Variants in ZMIZ1 observed in about 807,000 individuals in gnomAD.
ZMIZ1 encodes zinc finger MIZ domain-containing protein 1.
In ZMIZ1, 17 loss-of-function variants were observed where a neutral mutation model predicts 113.9. The observed-to-expected ratio is 0.15, with a 90% CI of 0.10 to 0.22. ZMIZ1 has a LOEUF of 0.22. Ranked by LOEUF, ZMIZ1 falls within the 10% of genes least tolerant of loss-of-function variation. ZMIZ1 has a pLI of 1.00. For synonymous variants in ZMIZ1, 607 were observed against 603.1 expected (o/e 1.01, Z -0.09); for missense variants, 1,059 against 1,477.8 (o/e 0.72, Z 4.65).
At chr10:79,252,280 C>A (rs1212412080) in intron 7 of ZMIZ1, among the ~76,000 whole-genome samples, 1 of 152,118 alleles carries the variant, frequency 6.6e-6, no homozygotes, top group Admixed American at 6.5e-5. Flanking sequence ...CCTCTCAGAG[C>A]TTTACATGGC....
At chr10:79,294,906 C>T (rs568186200) in intron 12 of ZMIZ1, 2 of 118,748 alleles carry the variant, frequency 1.7e-5, no homozygotes, top group South Asian at 2.7e-4. Flanking sequence ...GGCTTGGCAA[C>T]AAGTGGAGGT....
intron 4 of ZMIZ1, among the ~76,000 whole-genome samples, chr10:79,197,356 G>A (rs911350373): frequency 6.6e-6 from 1 of 152,198 alleles, no homozygotes; most frequent in East Asian, 1.9e-4. Flanking sequence ...GATGGGGCCT[G>A]GCACCAGGAA....
At chr10:79,078,911 C>T (rs77507351) in intron 1 of ZMIZ1, among the ~76,000 whole-genome samples, 3 of 152,072 alleles carry the variant, frequency 2.0e-5, no homozygotes, top group South Asian at 2.1e-4. Flanking sequence ...GGGAAACGCC[C>T]GCGTAAACAG....
intron 7 of ZMIZ1, among the ~76,000 whole-genome samples, chr10:79,274,501 ACT>A (rs370747710): frequency 7.1e-4 from 108 of 151,778 alleles, no homozygotes; most frequent in African/African-American, 2.5e-3. Flanking sequence ...CAGTGCCCAG[ACT>A]CTCTTTTTGG....
intron 22 of ZMIZ1, among the ~76,000 whole-genome samples, chr10:79,306,753 G>C (rs1019630887): frequency 6.6e-6 from 1 of 152,166 alleles, no homozygotes; most frequent in African/African-American, 2.4e-5. Flanking sequence ...CCCAGACCAA[G>C]TTTTACTCCT....
chr10:79,224,471 A>T (rs1849122280), intron 7 of ZMIZ1, among the ~76,000 whole-genome samples: 1 of 151,580 alleles, frequency 6.6e-6, no homozygotes, highest in Non-Finnish European at 1.5e-5. Context: ...CATCTGGGGG[A>T]TTAGCTCATC....
chr10:79,113,787 C>G (rs1843860392), intron 1 of ZMIZ1, among the ~76,000 whole-genome samples: 1 of 152,018 alleles, frequency 6.6e-6, no homozygotes, highest in African/African-American at 2.4e-5. Flanking sequence ...CCCCTTTCCT[C>G]TGAGCCCCCT....
intron 1 of ZMIZ1, among the ~76,000 whole-genome samples, chr10:79,099,120 A>G (rs1843268753): frequency 6.6e-6 from 1 of 151,862 alleles, no homozygotes; most frequent in Non-Finnish European, 1.5e-5. Flanking sequence ...ACACCCACCC[A>G]CCCTAGAGCA....
chr10:79,302,868 T>G (rs557678264), intron 18 of ZMIZ1, among the ~76,000 whole-genome samples: 1 of 146,924 alleles, frequency 6.8e-6, no homozygotes, highest in South Asian at 2.2e-4. Context: ...TAAGTTTTTT[T>G]TTTTTTTTTT....
At chr10:79,128,920 T>C (rs1051209024) in intron 2 of ZMIZ1, among the ~76,000 whole-genome samples, 1 of 152,188 alleles carries the variant, frequency 6.6e-6, no homozygotes, top group Non-Finnish European at 1.5e-5. Flanking sequence ...CATCTGAAAA[T>C]GGGGATGATA....
chr10:79,150,838 G>A (rs1362382342), intron 3 of ZMIZ1, among the ~76,000 whole-genome samples: 1 of 152,038 alleles, frequency 6.6e-6, no homozygotes, highest in Non-Finnish European at 1.5e-5. Flanking sequence ...TCTGCTCAGG[G>A]AGCTGGGCCA....
chr10:79,307,841 C>CA (rs1235817221), intron 23 of ZMIZ1, among the ~76,000 whole-genome samples: 1 of 152,136 alleles, frequency 6.6e-6, no homozygotes, highest in African/African-American at 2.4e-5. Flanking sequence ...CATACACACA[C>CA]ACGTGCATGC....
chr10:79,183,513 A>G (rs866129360), intron 4 of ZMIZ1, among the ~76,000 whole-genome samples: 2 of 152,294 alleles, frequency 1.3e-5, no homozygotes, highest in Middle Eastern at 3.4e-3. Context: ...AGGGTCCCAG[A>G]ACCATCCAGA....
intron 2 of ZMIZ1, among the ~76,000 whole-genome samples, chr10:79,135,731 T>TC (rs1309800465): frequency 2.0e-5 from 3 of 152,218 alleles, no homozygotes; most frequent in African/African-American, 7.2e-5. Context: ...GGGCCAGGGT[T>TC]CCAGGCCTGG....
intron 4 of ZMIZ1, among the ~76,000 whole-genome samples, chr10:79,198,350 A>C (rs1302626609): frequency 1.3e-5 from 2 of 152,250 alleles, no homozygotes; most frequent in Non-Finnish European, 2.9e-5. Context: ...ATGAGTAGAC[A>C]GGTGAACAGG....
chr10:79,083,173 A>G (rs1295082374), intron 1 of ZMIZ1, among the ~76,000 whole-genome samples: 1 of 152,220 alleles, frequency 6.6e-6, no homozygotes, highest in Non-Finnish European at 1.5e-5. Context: ...ATAAACCAGG[A>G]TAAGGTGATA....
intron 3 of ZMIZ1, among the ~76,000 whole-genome samples, chr10:79,159,425 G>C (rs1195140617): frequency 1.3e-5 from 2 of 152,220 alleles, no homozygotes; most frequent in African/African-American, 4.8e-5. Context: ...GTCTGGCCCT[G>C]AGCAGGGCTG....
chr10:79,079,077 C>CT (rs1402528188), intron 1 of ZMIZ1, among the ~76,000 whole-genome samples: 3 of 152,238 alleles, frequency 2.0e-5, no homozygotes, highest in African/African-American at 7.2e-5. Context: ...CTTTCCACCT[C>CT]TTTTTAACCC....
chr10:79,137,531 C>T (rs975721863), intron 2 of ZMIZ1, among the ~76,000 whole-genome samples: 4 of 152,122 alleles, frequency 2.6e-5, no homozygotes, highest in African/African-American at 4.8e-5. Context: ...CAGGCAGGGG[C>T]GGGTGGGGCC....
Sources: allele counts gnomAD v4.1 joint callset (sites outside exome capture counted in the v4.1 genomes callset), GRCh38; gene constraint gnomAD v4.1.1; transcripts MANE v1.5; gene names NCBI Gene and HGNC (gene_info 2026-07-23, HGNC 2026-07-21).